Variants in DCC observed in about 807,000 individuals in gnomAD.
The protein encoded by DCC is netrin receptor DCC.
In DCC, 58 loss-of-function variants were observed where a neutral mutation model predicts 172.5. The observed-to-expected ratio is 0.34, with a 90% CI of 0.27 to 0.42. The LOEUF is 0.42. Among genes scored for constraint, DCC ranks in the 10% least tolerant of loss-of-function variants. DCC has a pLI of 1.00. For synonymous variants in DCC, 709 were observed against 644.5 expected, an observed-to-expected ratio of 1.10 and a Z score of -1.52; for missense variants, 1,740 against 1,791.0, an observed-to-expected ratio of 0.97 and a Z score of 0.51.
chr18:53,484,441 A>G (rs1223656874), intron 25 of DCC, among the ~76,000 whole-genome samples: 1 of 151,480 alleles, frequency 6.6e-6, no homozygotes, highest in African/African-American at 2.4e-5. Context: ...AGTCTGGTGC[A>G]GTTTCATTTA....
At chr18:53,113,644 GA>G (rs1210510036) in intron 7 of DCC, among the ~76,000 whole-genome samples, 1 of 151,244 alleles carries the variant, frequency 6.6e-6, no homozygotes, top group East Asian at 2.0e-4. Flanking sequence ...ATTGTAATTA[GA>G]AAAGTTTAGA....
chr18:52,347,086 T>A (rs2144233451), intron 1 of DCC, among the ~76,000 whole-genome samples: 1 of 152,318 alleles, frequency 6.6e-6, no homozygotes, highest in East Asian at 1.9e-4. Context: ...CATGTTCCAC[T>A]GAATTAACTG....
chr18:52,605,404 A>C (rs933948020), intron 1 of DCC, among the ~76,000 whole-genome samples: 2 of 152,166 alleles, frequency 1.3e-5, no homozygotes, highest in Non-Finnish European at 2.9e-5. Context: ...AAGCTACTGC[A>C]TTCGATTTGT....
intron 2 of DCC, among the ~76,000 whole-genome samples, chr18:52,891,110 C>A (rs2039643678): frequency 6.6e-6 from 1 of 151,990 alleles, no homozygotes; most frequent in Non-Finnish European, 1.5e-5. Flanking sequence ...ATTTCATGTT[C>A]AAATTAATGC....
chr18:53,389,064 G>A (rs768048039), intron 16 of DCC, among the ~76,000 whole-genome samples: 1 of 152,178 alleles, frequency 6.6e-6, no homozygotes, highest in Non-Finnish European at 1.5e-5. Context: ...GTTTACAGGT[G>A]TGAGTCACCA....
At chr18:53,051,196 C>T (rs766027522) in intron 5 of DCC, among the ~76,000 whole-genome samples, 6 of 152,114 alleles carry the variant, frequency 3.9e-5, no homozygotes, top group Non-Finnish European at 7.4e-5. Flanking sequence ...TACCATTGCA[C>T]TCCAGCCTGG....
chr18:52,933,567 G>A (rs2040339071), intron 5 of DCC, among the ~76,000 whole-genome samples: 1 of 152,064 alleles, frequency 6.6e-6, no homozygotes, highest in African/African-American at 2.4e-5. Context: ...GGAATCTGAT[G>A]CTGGATGGGA....
At chr18:52,664,685 A>T (rs1360924257) in intron 1 of DCC, among the ~76,000 whole-genome samples, 1 of 151,418 alleles carries the variant, frequency 6.6e-6, no homozygotes, top group African/African-American at 2.4e-5. Context: ...GTTAGCCAGG[A>T]TGGTCTCGAT....
chr18:53,515,917 A>G (rs1234203763), intron 27 of DCC, among the ~76,000 whole-genome samples: 1 of 152,100 alleles, frequency 6.6e-6, no homozygotes, highest in Non-Finnish European at 1.5e-5. Flanking sequence ...TCAAGCTACC[A>G]ATGCCTTTCT....
intron 2 of DCC, among the ~76,000 whole-genome samples, chr18:52,853,555 T>TA (rs1321781229): frequency 6.6e-6 from 1 of 152,112 alleles, no homozygotes; most frequent in Non-Finnish European, 1.5e-5. Context: ...ATGGTAGAGG[T>TA]GAGGTTGGGA....
intron 1 of DCC, among the ~76,000 whole-genome samples, chr18:52,487,296 C>CA (rs2030273869): frequency 6.6e-6 from 1 of 152,066 alleles, no homozygotes; most frequent in African/African-American, 2.4e-5. Flanking sequence ...TAGAAGGGCT[C>CA]AAAGTGTTGA....
chr18:53,351,186 C>A (rs1568074310), intron 15 of DCC, among the ~76,000 whole-genome samples: 1 of 147,146 alleles, frequency 6.8e-6, no homozygotes, highest in East Asian at 2.0e-4. Flanking sequence ...TTGTCTTATA[C>A]CTGGTGAATT....
At chr18:53,005,584 C>T (rs1394444191) in intron 5 of DCC, among the ~76,000 whole-genome samples, 1 of 152,016 alleles carries the variant, frequency 6.6e-6, no homozygotes, top group East Asian at 1.9e-4. Flanking sequence ...AAAAATTAGC[C>T]GGGCAAAGTG....
At chr18:52,755,020 A>C (rs941154627) in intron 2 of DCC, among the ~76,000 whole-genome samples, 1 of 152,202 alleles carries the variant, frequency 6.6e-6, no homozygotes, top group African/African-American at 2.4e-5. Context: ...GTGTAGAGAG[A>C]ACTGAATGTT....
chr18:52,794,082 G>C (rs2037825462), intron 2 of DCC, among the ~76,000 whole-genome samples: 1 of 152,104 alleles, frequency 6.6e-6, no homozygotes, highest in Admixed American at 6.5e-5. Flanking sequence ...TAGGTAGTAT[G>C]ATGCTTCTAG....
chr18:52,485,484 G>A (rs1295358607), intron 1 of DCC, among the ~76,000 whole-genome samples: 1 of 152,060 alleles, frequency 6.6e-6, no homozygotes, highest in Non-Finnish European at 1.5e-5. Flanking sequence ...TCCATCTTAT[G>A]AAATGTATTT....
At chr18:53,138,422 C>T (rs541214775) in intron 7 of DCC, among the ~76,000 whole-genome samples, 1 of 152,254 alleles carries the variant, frequency 6.6e-6, no homozygotes, top group East Asian at 1.9e-4. Flanking sequence ...AAGTCAAAAA[C>T]ATAATATAAA....
intron 12 of DCC, among the ~76,000 whole-genome samples, chr18:53,246,342 C>T (rs759609303): frequency 3.3e-5 from 5 of 151,924 alleles, no homozygotes; most frequent in Non-Finnish European, 7.4e-5. Context: ...TATTAACTGG[C>T]TTCCTAGGAT....
In DCC at chr18:53,296,160, G is replaced by C. The variant is rs547199880; in HGVS notation, c.1912-9418G>C. 4.6e-5 allele frequency among the ~76,000 whole-genome samples: 7 copies of C among 152,188 alleles called. No homozygotes were observed. The East Asian group carries it at 1.4e-3, about 29-fold the overall frequency. ...CACAAATAAGTAGGTCCATATTCTT[G>C]GCATTGCTACTGTACGTGGTCTTGC... is the stretch of plus-strand genomic sequence containing the variant. On this transcript the variant is annotated intron_variant, in intron 12 of 28. Coordinates refer to ENST00000442544, the MANE Select transcript of DCC (RefSeq NM_005215.4).
Sources: gnomAD v4.1 joint callset for allele counts (sites outside exome capture counted in the v4.1 genomes callset) on GRCh38, gnomAD v4.1.1 for gene constraint, MANE v1.5 for transcripts, NCBI Gene and HGNC (gene_info 2026-07-23, HGNC 2026-07-21) for gene names.